The following SUDS3 variants were observed in gnomAD, a reference collection of about 807,000 sequenced individuals.
SUDS3 encodes sin3 histone deacetylase corepressor complex component SDS3.
A neutral mutation model predicts 53.5 loss-of-function variants in SUDS3; 23 were observed. The observed-to-expected ratio is 0.43, with a 90% CI of 0.31 to 0.61. The LOEUF is 0.61. Among genes scored for constraint, SUDS3 ranks in the 20% least tolerant of loss-of-function variants. SUDS3 has a pLI of 0.10. For synonymous variants in SUDS3, 150 were observed against 148.5 expected, an observed-to-expected ratio of 1.01 and a Z score of -0.08; for missense variants, 291 against 405.9, an observed-to-expected ratio of 0.72 and a Z score of 2.43.
Position 118,417,647 on chromosome 12 carries a change from A to C in SUDS3, c.*3214A>C, listed in dbSNP as rs1363306913. ...TTAACGGGTACCATTAAATATTCTG[A>C]GAGGTGAATGTAAAATATAAAAGGT... is the stretch of plus-strand genomic sequence containing the variant. On this transcript the variant is annotated 3_prime_UTR_variant, in exon 12 of 12. Transcript: ENST00000543473. 6.7e-6 allele frequency: 1 copy of C among 150,080 alleles called. No homozygotes were observed. The highest frequency in any genetic ancestry group is 1.5e-5 in the Non-Finnish European group (1 of 67,346). The allele number at this position is 150,080 out of a possible 1,614,324, so 9.3% of individuals were successfully genotyped here. A position where few individuals can be genotyped will look rare whatever the true frequency, so the allele number is the denominator to read the frequency against.
At chr12:118,391,338 G>T in intron 6 of SUDS3, 56 bp downstream of exon 6, 1 of 1,535,984 alleles carries the variant, frequency 6.5e-7, no homozygotes, top group Non-Finnish European at 8.7e-7. Flanking sequence ...GGGTGTGAAG[G>T]GCTGTTCCAG....
At chr12:118,403,293 G>A in intron 9 of SUDS3, 119 bp from the exon 10 acceptor site, 1 of 802,654 alleles carries the variant, frequency 1.2e-6, no homozygotes, top group Non-Finnish European at 2.1e-6. Context: ...CATTATCACT[G>A]TAAGGGCTCA....
At chr12:118,398,452 C>T (rs2046235234) in intron 6 of SUDS3, among the ~76,000 whole-genome samples, 1 of 151,958 alleles carries the variant, frequency 6.6e-6, no homozygotes, top group African/African-American at 2.4e-5. Context: ...TAGGGAGAAG[C>T]CTTCACCACT....
chr12:118,401,915 C>T (rs2046266054), intron 8 of SUDS3, 68 bp from the exon 9 acceptor site: 3 of 1,599,876 alleles, frequency 1.9e-6, no homozygotes, highest in East Asian at 4.5e-5. Flanking sequence ...CATTATGATA[C>T]CTTTGACACC....
At chr12:118,391,360 T>C (rs1436640352) in intron 6 of SUDS3, 78 bp downstream of exon 6, 3 of 1,497,660 alleles carry the variant, frequency 2.0e-6, no homozygotes, top group African/African-American at 2.8e-5. Flanking sequence ...TACTTTTGTC[T>C]TACATTTCAA....
intron 10 of SUDS3, among the ~76,000 whole-genome samples, chr12:118,405,917 C>T (rs980716610): frequency 6.6e-6 from 1 of 152,156 alleles, no homozygotes; most frequent in African/African-American, 2.4e-5. Context: ...TATTTTGGTG[C>T]AGCCGTATTT....
chr12:118,382,044 CTT>C (rs200415564), intron 2 of SUDS3, among the ~76,000 whole-genome samples: 2 of 145,714 alleles, frequency 1.4e-5, no homozygotes, highest in Non-Finnish European at 1.5e-5. Context: ...AGATGGATTA[CTT>C]TTTTTTTTTT....
intron 7 of SUDS3, among the ~76,000 whole-genome samples, chr12:118,401,280 T>G (rs2046260511): frequency 6.6e-6 from 1 of 152,196 alleles, no homozygotes; most frequent in Admixed American, 6.5e-5. Flanking sequence ...TTTCTGTTCC[T>G]TTCGAGGAGA....
intron 3 of SUDS3, among the ~76,000 whole-genome samples, chr12:118,385,374 G>T (rs1005541485): frequency 2.6e-5 from 4 of 152,168 alleles, no homozygotes; most frequent in Non-Finnish European, 4.4e-5. Context: ...CTCTCAAAGT[G>T]CTGGGATCAC....
chr12:118,394,348 G>T (rs1335396471), intron 6 of SUDS3, among the ~76,000 whole-genome samples: 4 of 152,160 alleles, frequency 2.6e-5, no homozygotes, highest in Admixed American at 2.6e-4. Context: ...GACCTTGGGG[G>T]TATCGCTTCT....
At chr12:118,402,121 C>G (rs2046268508) in intron 9 of SUDS3, 117 bp downstream of exon 9, 8 of 1,194,492 alleles carry the variant, frequency 6.7e-6, no homozygotes, top group Non-Finnish European at 9.8e-6. Context: ...CATCATTTGC[C>G]TAAGAGTAGT....
rs757737356 is a variant in SUDS3, at chr12:118,387,572, GAC to G, written c.340+1389_340+1390del. On this transcript the variant is annotated intron_variant, in intron 4 of 11. Coordinates refer to ENST00000543473, the MANE Select transcript of SUDS3 (RefSeq NM_022491.3). ...CTCATGTGTTCTTTTTTTTTTTTGA[GAC>G]AGAGTCTCACTCTGTCACCCAGGCT... Among the ~76,000 whole-genome samples, 40 of 148,396 alleles carry G rather than the reference GAC, an allele frequency of 2.7e-4. No individual in the cohort carries two copies. The East Asian group carries it at 7.5e-3, about 28-fold the overall frequency.
At chr12:118,398,592 C>CT (rs1461250850) in intron 6 of SUDS3, among the ~76,000 whole-genome samples, 2 of 138,276 alleles carry the variant, frequency 1.4e-5, no homozygotes, top group East Asian at 4.1e-4. Context: ...GCCCATTTCT[C>CT]TTAAGAGCAA....
intron 10 of SUDS3, among the ~76,000 whole-genome samples, chr12:118,406,105 G>T (rs533253335): frequency 3.5e-4 from 54 of 152,230 alleles, no homozygotes; most frequent in African/African-American, 1.3e-3. Flanking sequence ...ATGTAAATTT[G>T]CCTCACATTT....
chr12:118,397,724 A>ATTTTT (rs553865776), intron 6 of SUDS3, among the ~76,000 whole-genome samples: 5 of 146,384 alleles, frequency 3.4e-5, no homozygotes, highest in African/African-American at 1.2e-4. Context: ...AATAAAATAG[A>ATTTTT]TTTTTTTTTT....
intron 1 of SUDS3, among the ~76,000 whole-genome samples, chr12:118,379,557 C>G (rs1387018482): frequency 6.6e-6 from 1 of 152,194 alleles, no homozygotes; most frequent in East Asian, 1.9e-4. Context: ...AACCACTCCC[C>G]CACGGATACT....
chr12:118,386,295 C>CT, intron 4 of SUDS3, 110 bp downstream of exon 4: 1 of 859,998 alleles, frequency 1.2e-6, no homozygotes, highest in South Asian at 1.7e-5. Context: ...CCCAGATACT[C>CT]TGTCAGGGAG....
intron 3 of SUDS3, among the ~76,000 whole-genome samples, chr12:118,385,253 C>T (rs1192583282): frequency 6.6e-5 from 10 of 152,094 alleles, no homozygotes; most frequent in African/African-American, 1.4e-4. Context: ...GGATTACAGA[C>T]GCCTGCCACC....
intron 2 of SUDS3, among the ~76,000 whole-genome samples, chr12:118,381,777 A>G (rs1187169235): frequency 6.6e-6 from 1 of 152,234 alleles, no homozygotes; most frequent in Admixed American, 6.5e-5. Flanking sequence ...CCACAGCCGA[A>G]CAGATTCAGA....
Sources: allele counts gnomAD v4.1 joint callset (sites outside exome capture counted in the v4.1 genomes callset), GRCh38; gene constraint gnomAD v4.1.1; transcripts MANE v1.5; gene names NCBI Gene and HGNC (gene_info 2026-07-23, HGNC 2026-07-21).